Variants in DCC observed in about 807,000 individuals in gnomAD.
The protein encoded by DCC is DCC netrin 1 receptor, also known as netrin receptor DCC.
DCC carries 58 observed loss-of-function variants against 172.5 expected under a neutral mutation model. The observed-to-expected ratio is 0.34, with a 90% confidence interval of 0.27 to 0.42. The LOEUF (loss-of-function observed/expected upper bound fraction) is 0.42. DCC is among the 10% of genes least tolerant of loss of function. The probability of loss-of-function intolerance (pLI) is 1.00; values close to 1 mark genes in which losing one functional copy is unlikely to be tolerated. For missense variants in DCC, 1,740 were observed against 1,791.0 expected (o/e 0.97, Z 0.51); for synonymous variants, 709 against 644.5 (o/e 1.10, Z -1.52).
chr18:52,717,564 G>T (rs976752557), intron 1 of DCC, among the ~76,000 whole-genome samples: 2 of 150,772 alleles, frequency 1.3e-5, no homozygotes, highest in African/African-American at 4.9e-5. Context: ...GAAAACACAA[G>T]CAGTGAACAG....
chr18:53,507,725 G>GACTT (rs1261533821), intron 27 of DCC, among the ~76,000 whole-genome samples: 5 of 152,196 alleles, frequency 3.3e-5, no homozygotes, highest in Non-Finnish European at 1.5e-5. Context: ...TGCACGTACA[G>GACTT]ACTTATAAGA....
At chr18:53,453,128 G>T (rs533389106) in intron 23 of DCC, among the ~76,000 whole-genome samples, 1 of 152,032 alleles carries the variant, frequency 6.6e-6, no homozygotes, top group South Asian at 2.1e-4. Context: ...TGTTAGCCAC[G>T]ATGGTCTTGA....
At chr18:53,406,636 G>A (rs1186520621) in intron 19 of DCC, among the ~76,000 whole-genome samples, 10 of 151,028 alleles carry the variant, frequency 6.6e-5, no homozygotes, top group Non-Finnish European at 1.2e-4. Flanking sequence ...CCCGGGAGGC[G>A]GGTGTTGCAG....
intron 12 of DCC, among the ~76,000 whole-genome samples, chr18:53,299,284 T>C (rs1000959315): frequency 1.3e-5 from 2 of 152,200 alleles, no homozygotes; most frequent in Non-Finnish European, 2.9e-5. Flanking sequence ...AATGAACACA[T>C]TAATCCAGCC....
chr18:53,267,145 T>G (rs554745165), intron 12 of DCC, among the ~76,000 whole-genome samples: 1,895 of 150,174 alleles, frequency 0.013, 42 homozygotes, highest in African/African-American at 0.042. Context: ...TATATATATA[T>G]ATATAGAGAG....
chr18:52,735,986 G>T (rs2145102754), intron 1 of DCC, among the ~76,000 whole-genome samples: 1 of 152,218 alleles, frequency 6.6e-6, no homozygotes, highest in East Asian at 1.9e-4. Context: ...AATTAATATT[G>T]TGTGATTCTG....
At chr18:52,369,245 T>C (rs1301812408) in intron 1 of DCC, among the ~76,000 whole-genome samples, 3 of 150,168 alleles carry the variant, frequency 2.0e-5, no homozygotes, top group African/African-American at 7.4e-5. Flanking sequence ...TGTGGGTTTT[T>C]TTTCTTTGTG....
intron 23 of DCC, among the ~76,000 whole-genome samples, chr18:53,457,213 T>C (rs1238606952): frequency 6.6e-6 from 1 of 152,182 alleles, no homozygotes; most frequent in Non-Finnish European, 1.5e-5. Context: ...CAGTGGAGAT[T>C]ATGAATCACA....
At chr18:53,229,432 A>G (rs1002155904) in intron 12 of DCC, among the ~76,000 whole-genome samples, 1 of 152,184 alleles carries the variant, frequency 6.6e-6, no homozygotes, top group African/African-American at 2.4e-5. Context: ...AGGCAAATGT[A>G]TCAAATATGT....
intron 1 of DCC, among the ~76,000 whole-genome samples, chr18:52,500,543 G>A (rs1487580954): frequency 6.6e-6 from 1 of 152,060 alleles, no homozygotes; most frequent in Non-Finnish European, 1.5e-5. Context: ...CAATTATTTT[G>A]GCGCTAATAA....
chr18:53,452,827 C>A (rs1182567872), intron 23 of DCC, among the ~76,000 whole-genome samples: 1 of 152,142 alleles, frequency 6.6e-6, no homozygotes, highest in Admixed American at 6.5e-5. Flanking sequence ...CCTTTGTGTG[C>A]ATATTTTCAT....
intron 8 of DCC, among the ~76,000 whole-genome samples, chr18:53,170,209 A>C (rs2054991038): frequency 6.6e-6 from 1 of 152,166 alleles, no homozygotes. Flanking sequence ...ACACTCATCC[A>C]CCAGTGGGGA....
intron 14 of DCC, among the ~76,000 whole-genome samples, chr18:53,326,606 C>T: frequency 6.6e-6 from 1 of 152,102 alleles, no homozygotes; most frequent in East Asian, 1.9e-4. Context: ...TGCTAGTTTG[C>T]TCTATTTTTA....
intron 5 of DCC, among the ~76,000 whole-genome samples, chr18:53,041,495 C>T (rs1244224746): frequency 6.6e-6 from 1 of 151,846 alleles, no homozygotes; most frequent in African/African-American, 2.4e-5. Flanking sequence ...CTTGGCTATC[C>T]AGGTTTTTTT....
chr18:52,910,471 G>C, intron 3 of DCC, among the ~76,000 whole-genome samples: 1 of 152,112 alleles, frequency 6.6e-6, no homozygotes, highest in East Asian at 1.9e-4. Flanking sequence ...ATATGTAACA[G>C]AATCAGTAAT....
chr18:52,439,058 A>T (rs1987887574), intron 1 of DCC, among the ~76,000 whole-genome samples: 2 of 152,240 alleles, frequency 1.3e-5, no homozygotes, highest in Admixed American at 1.3e-4. Context: ...CAAGTGTGGG[A>T]GAAAAAAAGG....
chr18:52,921,132 G>A (rs1280076320), intron 3 of DCC, among the ~76,000 whole-genome samples: 1 of 78,106 alleles, frequency 1.3e-5, no homozygotes, highest in Non-Finnish European at 2.8e-5. Context: ...AAACCCATAG[G>A]ATTATGAAAA....
intron 1 of DCC, among the ~76,000 whole-genome samples, chr18:52,460,007 G>A (rs1988582921): frequency 6.6e-6 from 1 of 151,792 alleles, no homozygotes; most frequent in African/African-American, 2.4e-5. Context: ...TGTGAATAGT[G>A]CTACAATGAA....
At chr18:52,875,484 A>C (rs1030467671) in intron 2 of DCC, among the ~76,000 whole-genome samples, 1 of 152,170 alleles carries the variant, frequency 6.6e-6, no homozygotes, top group Non-Finnish European at 1.5e-5. Context: ...AGCTCTAAAA[A>C]CACCAAGAAA....
Sources: allele counts gnomAD v4.1 joint callset (sites outside exome capture counted in the v4.1 genomes callset), GRCh38; gene constraint gnomAD v4.1.1; transcripts MANE v1.5; gene names NCBI Gene and HGNC (gene_info 2026-07-23, HGNC 2026-07-21).